Variants in PXDNL observed in about 807,000 individuals in gnomAD.
The protein encoded by PXDNL is peroxidasin like, also known as probable oxidoreductase PXDNL.
A neutral mutation model predicts 150.8 loss-of-function variants in PXDNL; 145 were observed. The ratio of observed to expected loss-of-function variants is 0.96; its 90% CI spans 0.84 to 1.10. The LOEUF is 1.10. Among genes scored for constraint, PXDNL ranks in the 50% least tolerant of loss-of-function variants. PXDNL has a pLI of 0.00. For synonymous variants in PXDNL, 757 were observed against 725.7 expected, an observed-to-expected ratio of 1.04 and a Z score of -0.69; for missense variants, 2,087 against 1,873.9, an observed-to-expected ratio of 1.11 and a Z score of -2.10.
intron 1 of PXDNL, among the ~76,000 whole-genome samples, chr8:51,783,524 G>C (rs1486129791): frequency 1.3e-5 from 2 of 152,144 alleles, no homozygotes; most frequent in Non-Finnish European, 2.9e-5. Flanking sequence ...CAGCAGTATA[G>C]GAGATGGAAG....
In PXDNL at chr8:51,329,945, C is replaced by A. The variant is rs1586004806; in HGVS notation, c.4147-9048G>T. Among the ~76,000 whole-genome samples, 4 of 152,252 alleles carry A rather than the reference C, an allele frequency of 2.6e-5. No individual in the cohort carries two copies. In the South Asian group the frequency reaches 8.3e-4, roughly 32 times the overall value. On this transcript the variant is annotated intron_variant, in intron 21 of 22. Transcript: ENST00000356297. ...CTGGTACAGTTCAAAGGCTGGAGAG[C>A]CAGAGGACAAATGGTATAGATTAGT...
At chr8:51,653,143 C>T (rs984374693) in intron 2 of PXDNL, among the ~76,000 whole-genome samples, 7 of 152,158 alleles carry the variant, frequency 4.6e-5, no homozygotes, top group African/African-American at 1.4e-4. Context: ...ATAGCCTGGG[C>T]GTGGTGGTTC....
At chr8:51,578,857 G>A (rs1263024150) in intron 3 of PXDNL, among the ~76,000 whole-genome samples, 1 of 151,910 alleles carries the variant, frequency 6.6e-6, no homozygotes, top group Non-Finnish European at 1.5e-5. Context: ...ATTCAGTGGA[G>A]GAAAGAAAGC....
chr8:51,430,787 T>G (rs923694894), intron 12 of PXDNL, among the ~76,000 whole-genome samples: 2 of 152,196 alleles, frequency 1.3e-5, no homozygotes, highest in Admixed American at 1.3e-4. Flanking sequence ...ATTATTTCAT[T>G]CAACAACTCT....
chr8:51,332,309 G>A (rs968545487), intron 21 of PXDNL, among the ~76,000 whole-genome samples: 1 of 152,140 alleles, frequency 6.6e-6, no homozygotes, highest in South Asian at 2.1e-4. Context: ...CACCCTGTGG[G>A]ACAAAAGAAT....
At chr8:51,565,513 A>G (rs1812807646) in intron 3 of PXDNL, among the ~76,000 whole-genome samples, 1 of 151,584 alleles carries the variant, frequency 6.6e-6, no homozygotes, top group African/African-American at 2.4e-5. Context: ...TTTCACTGTA[A>G]TAATAATATG....
At chr8:51,573,749 T>C (rs1200443434) in intron 3 of PXDNL, among the ~76,000 whole-genome samples, 3 of 151,806 alleles carry the variant, frequency 2.0e-5, no homozygotes, top group Middle Eastern at 3.2e-3. Context: ...CAGGATCTCC[T>C]CTCCACCCAA....
At chr8:51,508,102 A>G (rs530893839) in intron 4 of PXDNL, among the ~76,000 whole-genome samples, 2 of 152,316 alleles carry the variant, frequency 1.3e-5, no homozygotes, top group Admixed American at 6.5e-5. Flanking sequence ...GACCAATGGT[A>G]CTCGATGGCA....
chr8:51,782,638 T>C lies in PXDNL; in HGVS notation c.164+26543A>G, dbSNP rs149237236. On this transcript the variant is annotated intron_variant, in intron 1 of 22. Transcript: ENST00000356297. Reference sequence around the variant, plus strand: ...TAATCTCTTCTCATATGTATTGACTTACACTGAATAATCTGTCTAGCATAT... The same window carrying C: ...TAATCTCTTCTCATATGTATTGACTCACACTGAATAATCTGTCTAGCATAT... Among the ~76,000 whole-genome samples the C allele has an allele frequency of 2.6e-3, 392 of 152,350 alleles. 2 individuals are homozygous for C. Among genetic ancestry groups the C allele is most frequent in the African/African-American group, 9.1e-3 (377 of 41,576 alleles).
At chr8:51,327,879 G>A (rs983173570) in intron 21 of PXDNL, among the ~76,000 whole-genome samples, 8 of 151,996 alleles carry the variant, frequency 5.3e-5, no homozygotes, top group Admixed American at 1.3e-4. Context: ...AATCTGAAGA[G>A]ACAGGAGGAT....
chr8:51,646,633 C>T (rs1202250146), intron 2 of PXDNL, among the ~76,000 whole-genome samples: 1 of 152,066 alleles, frequency 6.6e-6, no homozygotes, highest in African/African-American at 2.4e-5. Context: ...GGGAGGAAAG[C>T]ACACAGATAG....
intron 17 of PXDNL, among the ~76,000 whole-genome samples, chr8:51,385,373 T>C (rs1325535434): frequency 6.6e-6 from 1 of 151,970 alleles, no homozygotes; most frequent in Non-Finnish European, 1.5e-5. Context: ...GACAATGTCA[T>C]TAAATGTTAT....
chr8:51,570,061 G>T (rs1257631629), intron 3 of PXDNL, among the ~76,000 whole-genome samples: 1 of 151,900 alleles, frequency 6.6e-6, no homozygotes, highest in Non-Finnish European at 1.5e-5. Flanking sequence ...CCAGCCTCAG[G>T]CTGCAGTGAC....
intron 20 of PXDNL, among the ~76,000 whole-genome samples, chr8:51,342,971 C>A (rs1459714240): frequency 2.0e-5 from 3 of 150,446 alleles, no homozygotes; most frequent in Non-Finnish European, 4.4e-5. Flanking sequence ...AAAGAATGAT[C>A]AGGTTTACAT....
chr8:51,371,344 AC>A (rs1415146425), intron 19 of PXDNL, among the ~76,000 whole-genome samples: 2 of 152,216 alleles, frequency 1.3e-5, no homozygotes, highest in Admixed American at 6.5e-5. Context: ...TTATAGAAGC[AC>A]CTTAGGGAAA....
At chr8:51,358,162 A>G (rs182590304) in intron 19 of PXDNL, among the ~76,000 whole-genome samples, 8 of 152,354 alleles carry the variant, frequency 5.3e-5, no homozygotes, top group African/African-American at 1.9e-4. Flanking sequence ...ATCTTAGTAT[A>G]AGATTAAAAA....
At chr8:51,460,499 C>T (rs1012526489) in intron 8 of PXDNL, among the ~76,000 whole-genome samples, 2 of 143,376 alleles carry the variant, frequency 1.4e-5, no homozygotes, top group African/African-American at 5.2e-5. Flanking sequence ...ACTGAAAAAG[C>T]CATCACACTT....
At chr8:51,400,720 T>C (rs969602517) in intron 17 of PXDNL, among the ~76,000 whole-genome samples, 1 of 152,236 alleles carries the variant, frequency 6.6e-6, no homozygotes, top group Non-Finnish European at 1.5e-5. Flanking sequence ...TGTGCATTTT[T>C]AACTTTTTGA....
At chr8:51,418,419 T>C (rs1808858500) in intron 14 of PXDNL, among the ~76,000 whole-genome samples, 2 of 152,178 alleles carry the variant, frequency 1.3e-5, no homozygotes, top group African/African-American at 4.8e-5. Context: ...TTTGAATAAA[T>C]ATAACTAATG....
Sources: allele counts gnomAD v4.1 joint callset (sites outside exome capture counted in the v4.1 genomes callset), GRCh38; gene constraint gnomAD v4.1.1; transcripts MANE v1.5; gene names NCBI Gene and HGNC (gene_info 2026-07-23, HGNC 2026-07-21).